PCDH11X: variants seen among roughly 807,000 people sequenced by gnomAD.
PCDH11X encodes the protein protocadherin-11 X-linked.
In PCDH11X, 18 loss-of-function variants were observed where a neutral mutation model predicts 53.3. The observed-to-expected ratio is 0.34, with a 90% confidence interval of 0.23 to 0.50. The LOEUF (loss-of-function observed/expected upper bound fraction) is 0.50. Among genes scored for constraint, PCDH11X ranks in the 20% least tolerant of loss-of-function variants. The pLI is 0.98. For missense variants in PCDH11X, 570 were observed against 1,032.4 expected (o/e 0.55, Z 6.14); for synonymous variants, 279 against 393.3 (o/e 0.71, Z 3.44).
At chrX:92,574,035 G>A (rs1602362253) in intron 10 of PCDH11X, among the ~76,000 whole-genome samples, 1 of 105,558 alleles carries the variant, frequency 9.5e-6, no homozygotes, top group East Asian at 3.0e-4. Context: ...CAAATACAGT[G>A]CAACCATTAC....
intron 6 of PCDH11X, among the ~76,000 whole-genome samples, chrX:92,017,324 C>T (rs1272268958): frequency 2.7e-5 from 3 of 110,503 alleles, no homozygotes; most frequent in South Asian, 3.9e-4. Context: ...TCTAATGTAA[C>T]CCATAAATAC....
chrX:92,333,380 GT>G (rs1177300553), intron 8 of PCDH11X, among the ~76,000 whole-genome samples: 1 of 111,099 alleles, frequency 9.0e-6, no homozygotes, highest in Non-Finnish European at 1.9e-5. Context: ...GCCTGTATGA[GT>G]CATAGAGTGA....
intron 6 of PCDH11X, among the ~76,000 whole-genome samples, chrX:92,067,484 C>A (rs184843094): frequency 1.8e-5 from 2 of 111,547 alleles, no homozygotes; most frequent in Non-Finnish European, 3.8e-5. Flanking sequence ...GTGGAGTCAT[C>A]TTTGCATCCT....
intron 4 of PCDH11X, among the ~76,000 whole-genome samples, chrX:91,819,371 A>G (rs942545322): frequency 2.7e-5 from 3 of 110,446 alleles, no homozygotes; most frequent in African/African-American, 9.9e-5. Flanking sequence ...AATAGTTTGA[A>G]AAACTGATTT....
intron 9 of PCDH11X, among the ~76,000 whole-genome samples, chrX:92,426,942 C>T (rs1335691656): frequency 3.6e-5 from 4 of 110,301 alleles, no homozygotes; most frequent in Non-Finnish European, 1.9e-5. Flanking sequence ...AGTACTATTG[C>T]CACTTTACTA....
rs763144957 is a variant in PCDH11X, at chrX:92,387,895, A to G, written c.3305A>G (p.Asn1102Ser). 5.0e-6 allele frequency: 6 copies of G among 1,210,812 alleles called. No individual in the cohort carries two copies. The East Asian group carries it at 1.8e-4, about 36-fold the overall frequency. Reference sequence around the variant, plus strand: ...TACTTTGATCGTGCTACACCCAGCAATCGCACTGAAGGGGATGGCAACTCC... The same window carrying G: ...TACTTTGATCGTGCTACACCCAGCAGTCGCACTGAAGGGGATGGCAACTCC... The part of the protein sequence containing the change: ...EEYFDRATPS[N>S]RTEGDGNSDP... Residue 1102 changes from asparagine (N) to serine (S), a missense_variant, in exon 9 of 11, where the codon AAT becomes AGT. By Grantham distance (46) the Asn-to-Ser change is conservative. Around this residue, in one of 6 missense-constraint regions of PCDH11X, gnomAD observed 234 missense variants for 296.1 expected, o/e 0.79. Coordinates refer to ENST00000682573, the MANE Select transcript of PCDH11X (RefSeq NM_032968.5).
chrX:92,190,173 T>C (rs1004285898), intron 6 of PCDH11X, among the ~76,000 whole-genome samples: 2 of 111,771 alleles, frequency 1.8e-5, no homozygotes, highest in African/African-American at 6.5e-5. Flanking sequence ...TAGATTGTCT[T>C]CTAGGGTTTT....
At chrX:91,882,894 T>C in intron 6 of PCDH11X, 8 of 1,185,412 alleles carry the variant, frequency 6.7e-6, no homozygotes, top group Non-Finnish European at 9.1e-6. Flanking sequence ...ACGTGTTATT[T>C]TTCTTGTCCT....
chrX:92,276,378 G>A (rs2068092343), intron 8 of PCDH11X, among the ~76,000 whole-genome samples: 1 of 109,360 alleles, frequency 9.1e-6, no homozygotes, highest in African/African-American at 3.3e-5. Context: ...TTGGGCCAGA[G>A]TTCCAGGGGC....
intron 6 of PCDH11X, among the ~76,000 whole-genome samples, chrX:92,177,065 T>A (rs2065921695): frequency 9.4e-6 from 1 of 106,825 alleles, no homozygotes; most frequent in Admixed American, 1.0e-4. Context: ...AACCTCTGCC[T>A]CCCGGGTTCA....
intron 6 of PCDH11X, among the ~76,000 whole-genome samples, chrX:92,171,130 C>G (rs930728815): frequency 1.4e-4 from 14 of 102,882 alleles, no homozygotes; most frequent in African/African-American, 4.9e-4. Flanking sequence ...AGGGGTTATT[C>G]TTTGTGTTCT....
At chrX:91,832,001 T>C (rs1385809881) in intron 4 of PCDH11X, among the ~76,000 whole-genome samples, 1 of 110,705 alleles carries the variant, frequency 9.0e-6, no homozygotes, top group African/African-American at 3.3e-5. Context: ...CTTCCCCGTT[T>C]TTAAAACCAC....
At chrX:91,923,633 C>T (rs1286651143) in intron 6 of PCDH11X, among the ~76,000 whole-genome samples, 1 of 103,994 alleles carries the variant, frequency 9.6e-6, no homozygotes, top group Non-Finnish European at 2.0e-5. Context: ...TGCTCCTCAG[C>T]TTGCAGATGG....
intron 6 of PCDH11X, among the ~76,000 whole-genome samples, chrX:92,132,647 A>ATATATATATGTATATATATATG (rs1569376572): frequency 1.8e-5 from 1 of 57,050 alleles, no homozygotes; most frequent in Non-Finnish European, 2.8e-5. Context: ...ATATATATAT[A>ATATATATATGTATATATATATG]TATATATATG....
chrX:92,248,255 G>C (rs2067389001), intron 7 of PCDH11X, among the ~76,000 whole-genome samples: 1 of 111,193 alleles, frequency 9.0e-6, no homozygotes, highest in Non-Finnish European at 1.9e-5. Flanking sequence ...TTATAAGCTA[G>C]GAAATATTAC....
intron 1 of PCDH11X, among the ~76,000 whole-genome samples, chrX:91,780,974 T>A (rs1473173309): frequency 8.9e-6 from 1 of 112,023 alleles, no homozygotes; most frequent in Non-Finnish European, 1.9e-5. Flanking sequence ...CGCGTTCCTC[T>A]GCTTCACCCG....
Position 92,152,837 on chromosome X carries a change from G to A in PCDH11X, c.3034-48538G>A, listed in dbSNP as rs990520720. 5.1e-4 allele frequency among the ~76,000 whole-genome samples: 56 copies of A among 110,110 alleles called. 1 individual carries two copies. The highest frequency in any genetic ancestry group is 1.5e-3 in the African/African-American group (45 of 30,392). The stretch of plus-strand genomic sequence containing the variant: ...TTTTGAGACGGAGTCTAGCTCTGTC[G>A]CCCAGGCTGGAGTGCAGTGGCGTGA... On this transcript the variant is annotated intron_variant, in intron 6 of 10. Transcript: ENST00000682573.
chrX:92,065,543 G>A (rs1264753235), intron 6 of PCDH11X, among the ~76,000 whole-genome samples: 1 of 111,352 alleles, frequency 9.0e-6, no homozygotes, highest in African/African-American at 3.3e-5. Context: ...CCTGACTTTT[G>A]GATAAAACCC....
chrX:92,319,608 T>C (rs941467386), intron 8 of PCDH11X, among the ~76,000 whole-genome samples: 3 of 110,466 alleles, frequency 2.7e-5, no homozygotes, highest in Non-Finnish European at 5.7e-5. Flanking sequence ...GATCCTCCGC[T>C]TTGGTCCCCC....
Sources: allele counts gnomAD v4.1 joint callset (sites outside exome capture counted in the v4.1 genomes callset), GRCh38; gene constraint gnomAD v4.1.1; regional missense constraint gnomAD v4.1.1; transcripts MANE v1.5; gene names NCBI Gene and HGNC (gene_info 2026-07-23, HGNC 2026-07-21).